The following MBNL1 variants were observed in gnomAD, a reference collection of about 807,000 sequenced individuals.
MBNL1 encodes muscleblind like splicing regulator 1, also known as muscleblind-like protein 1.
Under a neutral mutation model 42.2 loss-of-function variants are expected in MBNL1, and 8 were observed. The ratio of observed to expected loss-of-function variants is 0.19; its 90% CI spans 0.11 to 0.34. The LOEUF (loss-of-function observed/expected upper bound fraction) is 0.34. Ranked by LOEUF, MBNL1 falls within the 10% of genes least tolerant of loss-of-function variation. The probability of loss-of-function intolerance (pLI) is 1.00; values close to 1 mark genes in which losing one functional copy is unlikely to be tolerated. For synonymous variants in MBNL1, 169 were observed against 173.9 expected, an observed-to-expected ratio of 0.97 and a Z score of 0.22; for missense variants, 309 against 495.3, an observed-to-expected ratio of 0.62 and a Z score of 3.57.
chr3:152,319,907 T>C (rs1390097783), intron 2 of MBNL1, among the ~76,000 whole-genome samples: 2 of 152,090 alleles, frequency 1.3e-5, no homozygotes. Context: ...CATTGTACAG[T>C]GATCATCAAA....
intron 2 of MBNL1, among the ~76,000 whole-genome samples, chr3:152,350,438 A>G (rs1244777949): frequency 1.3e-5 from 2 of 152,148 alleles, no homozygotes; most frequent in African/African-American, 2.4e-5. Context: ...AAGAAATTCA[A>G]TAATAATAAG....
intron 2 of MBNL1, among the ~76,000 whole-genome samples, chr3:152,364,255 A>G (rs2096211408): frequency 6.6e-6 from 1 of 152,094 alleles, no homozygotes; most frequent in African/African-American, 2.4e-5. Context: ...TTATGTTTAA[A>G]ATTCCTTAAG....
At chr3:152,410,760 G>A (rs986874702) in intron 2 of MBNL1, among the ~76,000 whole-genome samples, 2 of 152,212 alleles carry the variant, frequency 1.3e-5, no homozygotes, top group Non-Finnish European at 2.9e-5. Flanking sequence ...GCACAGAAAC[G>A]TAACGTTGTA....
chr3:152,244,827 G>C lies in MBNL1; in HGVS notation n.333+387G>C, dbSNP rs116835601. ...AATATTCTCTCACAGATATACTTTTGTTCATTTTGCATATTATTAGTTGAG... is the reference window on the plus strand; with the variant it reads ...AATATTCTCTCACAGATATACTTTTCTTCATTTTGCATATTATTAGTTGAG... On this transcript the variant is annotated intron_variant and non_coding_transcript_variant, in intron 2 of 2. Transcript: ENST00000477171. Among the ~76,000 whole-genome samples the C allele has an allele frequency of 7.7e-3, 1,172 of 151,416 alleles. 15 individuals are homozygous for C. The highest frequency in any genetic ancestry group is 0.027 in the African/African-American group (1,126 of 41,274).
intron 5 of MBNL1, among the ~76,000 whole-genome samples, chr3:152,445,935 T>C (rs1195341955): frequency 1.3e-5 from 2 of 152,216 alleles, no homozygotes; most frequent in African/African-American, 4.8e-5. Context: ...TCTTTACATA[T>C]ATCTTGCTTT....
At chr3:152,446,978 C>A (rs1001050387) in intron 5 of MBNL1, among the ~76,000 whole-genome samples, 2 of 151,976 alleles carry the variant, frequency 1.3e-5, no homozygotes, top group Non-Finnish European at 2.9e-5. Context: ...GCCCAGCAGC[C>A]CACATTCAGT....
chr3:152,271,108 G>A (rs886598289), intron 1 of MBNL1, among the ~76,000 whole-genome samples: 5 of 152,022 alleles, frequency 3.3e-5, no homozygotes, highest in African/African-American at 1.2e-4. Flanking sequence ...ACTCTGCGCA[G>A]TCATGCCAAA....
chr3:152,412,760 T>G (rs1373691197), intron 2 of MBNL1, among the ~76,000 whole-genome samples: 1 of 152,174 alleles, frequency 6.6e-6, no homozygotes, highest in African/African-American at 2.4e-5. Context: ...TGGAATGAAG[T>G]GCTTAGGAAG....
intron 2 of MBNL1, among the ~76,000 whole-genome samples, chr3:152,334,153 G>A (rs1250438006): frequency 1.3e-5 from 2 of 152,158 alleles, no homozygotes; most frequent in African/African-American, 4.8e-5. Context: ...TTTATACTTA[G>A]AATCTGCCTA....
chr3:152,246,351 T>TTTG lies in MBNL1; in HGVS notation n.333+1931_333+1933dup, dbSNP rs555710335. 8.0e-4 allele frequency among the ~76,000 whole-genome samples: 121 copies of TTTG among 151,664 alleles called. No homozygotes were observed. In the East Asian group the frequency reaches 0.018, roughly 22 times the overall value. ...GATACTATCTTTCTGGCAAGACAGA[T>TTTG]TTGTTGTTGTTGTTGTTGTTGTCAA... is the stretch of plus-strand genomic sequence containing the variant. On this transcript the variant is annotated intron_variant and non_coding_transcript_variant, in intron 2 of 2. Coordinates refer to the MBNL1 transcript ENST00000477171.
intron 6 of MBNL1, 67 bp from the exon 7 acceptor site, chr3:152,455,475 G>A (rs1470273209): frequency 8.0e-7 from 1 of 1,251,416 alleles, no homozygotes; most frequent in Non-Finnish European, 1.2e-6. Context: ...AATTACACGT[G>A]TGATGGGATG....
chr3:152,371,612 T>C (rs1355980393), intron 2 of MBNL1, among the ~76,000 whole-genome samples: 1 of 152,108 alleles, frequency 6.6e-6, no homozygotes, highest in Non-Finnish European at 1.5e-5. Context: ...AAAAAAAGAA[T>C]GTTGAATATT....
intron 2 of MBNL1, among the ~76,000 whole-genome samples, chr3:152,414,593 ATAT>A (rs2098664233): frequency 6.6e-6 from 1 of 152,218 alleles, no homozygotes. Flanking sequence ...AACCAGGAAG[ATAT>A]TATGACAGAA....
At chr3:152,357,355 T>G (rs768541601) in intron 2 of MBNL1, among the ~76,000 whole-genome samples, 6 of 152,228 alleles carry the variant, frequency 3.9e-5, no homozygotes, top group Non-Finnish European at 8.8e-5. Flanking sequence ...TTCTTATCGC[T>G]AAAACAAAGT....
intron 2 of MBNL1, among the ~76,000 whole-genome samples, chr3:152,390,087 C>T (rs2097638729): frequency 6.6e-6 from 1 of 151,358 alleles, no homozygotes; most frequent in African/African-American, 2.4e-5. Context: ...CCAGGCTGGT[C>T]TCGAACTCCT....
intron 2 of MBNL1, among the ~76,000 whole-genome samples, chr3:152,363,036 A>G (rs1223577478): frequency 6.6e-6 from 1 of 152,186 alleles, no homozygotes; most frequent in Non-Finnish European, 1.5e-5. Context: ...AGAAATGGGT[A>G]TCAAATAAAA....
intron 1 of MBNL1, among the ~76,000 whole-genome samples, chr3:152,286,116 T>A (rs2051553343): frequency 6.6e-6 from 1 of 151,402 alleles, no homozygotes. Flanking sequence ...GTGGTTCTTT[T>A]TCCCCCATTA....
At chr3:152,267,949 C>G (rs914634298), upstream of MBNL1, 2 of 152,186 alleles carry the variant, frequency 1.3e-5, no homozygotes, top group Admixed American at 1.3e-4. Context: ...TATCCGAATT[C>G]CTTACATTCA....
At chr3:152,394,888 C>T (rs2097860337) in intron 2 of MBNL1, among the ~76,000 whole-genome samples, 1 of 152,112 alleles carries the variant, frequency 6.6e-6, no homozygotes, top group Admixed American at 6.6e-5. Flanking sequence ...GAGAGGGAGT[C>T]TCACTCTATT....
Sources: allele counts gnomAD v4.1 joint callset (sites outside exome capture counted in the v4.1 genomes callset), GRCh38; gene constraint gnomAD v4.1.1; transcripts MANE v1.5; gene names NCBI Gene and HGNC (gene_info 2026-07-23, HGNC 2026-07-21).